The following CEP43 variants were observed in gnomAD, a reference collection of about 807,000 sequenced individuals.
CEP43 encodes centrosomal protein 43, also known as FGFR1 oncogene partner.
A neutral mutation model predicts 52.6 loss-of-function variants in CEP43; 36 were observed. The observed-to-expected ratio is 0.68, with a 90% CI of 0.52 to 0.90. CEP43 has a LOEUF of 0.90. Ranked by LOEUF, CEP43 falls within the 40% of genes least tolerant of loss-of-function variation. The probability of loss-of-function intolerance (pLI) is 0.00; values close to 1 mark genes in which losing one functional copy is unlikely to be tolerated. For missense variants in CEP43, 506 were observed against 472.8 expected (o/e 1.07, Z -0.65); for synonymous variants, 192 against 172.4 (o/e 1.11, Z -0.89).
chr6:167,040,172 G>A lies in CEP43; in HGVS notation c.*194G>A. 4 of 1,533,470 alleles carry A rather than the reference G, an allele frequency of 2.6e-6. No individual in the cohort carries two copies. The highest frequency in any genetic ancestry group is 3.5e-6 in the Non-Finnish European group (4 of 1,144,290). The allele number at this position is 1,533,470 out of a possible 1,614,324, so 95.0% of individuals were successfully genotyped here. On this transcript the variant is annotated 3_prime_UTR_variant, in exon 13 of 13. Coordinates refer to ENST00000366847, the MANE Select transcript of CEP43 (RefSeq NM_007045.4). ...TACTTCCTATTTGAGCCCATGTGTG[G>A]AAGATTTAATATTCTTAATTTAACT...
chr6:167,034,136 T>C (rs1242536069), intron 12 of CEP43, among the ~76,000 whole-genome samples, 165 bp downstream of exon 12: 1 of 152,166 alleles, frequency 6.6e-6, no homozygotes, highest in Middle Eastern at 3.2e-3. Context: ...CTTTGATGAA[T>C]GTGTAAGATT....
rs1433966012 is a variant in CEP43 at position 167,042,275 on chromosome 6, AAAAT to A, written c.*2303_*2306del. ...GCATGTGATGAGTGTTTTCTGTTAA[AAAAT>A]AAATATTGAAATATTAACCCATTAA... On this transcript the variant is annotated 3_prime_UTR_variant, in exon 13 of 13. Transcript: ENST00000366847. The A allele has an allele frequency of 2.0e-6, 2 of 1,005,306 alleles. No homozygotes were observed. The highest frequency in any genetic ancestry group is 3.5e-5 in the African/African-American group (2 of 57,910). 62.3% of individuals were successfully genotyped at this position (1,005,306 alleles called of 1,614,324 possible).
chr6:167,032,201 A>G (rs984085644), intron 10 of CEP43, among the ~76,000 whole-genome samples: 9 of 152,178 alleles, frequency 5.9e-5, no homozygotes, highest in Non-Finnish European at 1.2e-4. Context: ...TTCACACCTC[A>G]TGAGTGTTTT....
Position 167,050,886 on chromosome 6 carries a change from C to T in CEP43, c.*10908C>T, listed in dbSNP as rs1373195667. 1.3e-5 allele frequency: 2 copies of T among 150,484 alleles called. No individual in the cohort carries two copies. Among genetic ancestry groups the T allele is most frequent in the African/African-American group, 4.9e-5 (2 of 40,788 alleles). The allele number at this position is 150,484 out of a possible 1,614,324, so 9.3% of individuals were successfully genotyped here. A position where few individuals can be genotyped will look rare whatever the true frequency, so the allele number is the denominator to read the frequency against. On this transcript the variant is annotated 3_prime_UTR_variant, in exon 13 of 13. Transcript: ENST00000366847. ...CCCAGATAGAGCCGATTTATGAGGA[C>T]AGGGAAATTGCAATAGAGAAAGAGT...
At chr6:167,033,727 A>G (rs563460451) in intron 11 of CEP43, 148 bp from the exon 12 acceptor site, 1 of 431,372 alleles carries the variant, frequency 2.3e-6, no homozygotes. Flanking sequence ...TTTAAGGGTC[A>G]AGCAAGACAA....
chr6:167,020,290 T>A (rs1007497448), intron 7 of CEP43, among the ~76,000 whole-genome samples: 1 of 152,212 alleles, frequency 6.6e-6, no homozygotes, highest in Non-Finnish European at 1.5e-5. Flanking sequence ...TGTAGCTCTC[T>A]AGAAGGCAAT....
At chr6:167,033,257 C>T (rs1273558035) in intron 11 of CEP43, among the ~76,000 whole-genome samples, 1 of 151,716 alleles carries the variant, frequency 6.6e-6, no homozygotes, top group Non-Finnish European at 1.5e-5. Flanking sequence ...ATTATAGGTG[C>T]GTGCCACTAC....
chr6:167,015,295 C>T (rs1292976191), intron 7 of CEP43, among the ~76,000 whole-genome samples: 1 of 152,208 alleles, frequency 6.6e-6, no homozygotes, highest in Non-Finnish European at 1.5e-5. Flanking sequence ...TTCTGAACTG[C>T]CTTGTGAGAA....
chr6:167,028,705 A>G (rs779680397), intron 10 of CEP43, among the ~76,000 whole-genome samples: 3 of 152,166 alleles, frequency 2.0e-5, no homozygotes, highest in Admixed American at 1.3e-4. Flanking sequence ...ATTTTTACAG[A>G]TGAAGAATCT....
At position 167,042,562 on chromosome 6, in the gene CEP43, C is replaced by G. The variant is rs896822421; in HGVS notation, c.*2584C>G. On this transcript the variant is annotated 3_prime_UTR_variant, in exon 13 of 13. Coordinates refer to ENST00000366847, the MANE Select transcript of CEP43 (RefSeq NM_007045.4). The stretch of plus-strand genomic sequence containing the variant: ...TGCCCATGCACCAGAGCTGTGCCAG[C>G]CCACTGCTGCACAGCCTCTGCACCT... 1 of 166,032 alleles carries G rather than the reference C, an allele frequency of 6.0e-6. No homozygotes were observed. Among genetic ancestry groups the G allele is most frequent in the African/African-American group, 2.4e-5 (1 of 41,738 alleles). The allele number at this position is 166,032 out of a possible 1,614,324, so 10.3% of individuals were successfully genotyped here.
At chr6:167,009,406 A>C (rs939773820) in intron 5 of CEP43, among the ~76,000 whole-genome samples, 7 of 135,468 alleles carry the variant, frequency 5.2e-5, no homozygotes. Context: ...GCTACTCGGG[A>C]GGGCGAGGCA....
chr6:167,009,817 C>G (rs1779946124), intron 5 of CEP43, among the ~76,000 whole-genome samples: 1 of 151,748 alleles, frequency 6.6e-6, no homozygotes, highest in South Asian at 2.1e-4. Context: ...GCCTGGGTAA[C>G]AGAGTGAGAC....
chr6:167,012,242 ATTGT>A (rs528930871), intron 6 of CEP43, among the ~76,000 whole-genome samples: 219 of 152,124 alleles, frequency 1.4e-3, no homozygotes, highest in African/African-American at 4.8e-3. Context: ...GCTCCTTTTT[ATTGT>A]TTAAGTTTGG....
chr6:167,040,059 G>A lies in CEP43; in HGVS notation c.*81G>A, dbSNP rs779541032. 1 of 1,610,684 alleles carries A rather than the reference G, an allele frequency of 6.2e-7. No homozygotes were observed. The highest frequency in any genetic ancestry group is 8.5e-7 in the Non-Finnish European group (1 of 1,178,142). On this transcript the variant is annotated 3_prime_UTR_variant, in exon 13 of 13. Transcript: ENST00000366847. ...TTTTTTTTTTCCAGACAATCACTCAGCTGGAATGTCTGCTCTCTATTGGTG... is the reference window on the plus strand; with the variant it reads ...TTTTTTTTTTCCAGACAATCACTCAACTGGAATGTCTGCTCTCTATTGGTG...
At chr6:167,016,990 ATTTT>A (rs60484474) in intron 7 of CEP43, among the ~76,000 whole-genome samples, 56 of 148,764 alleles carry the variant, frequency 3.8e-4, no homozygotes, top group African/African-American at 1.2e-3. Context: ...TTATTTATTT[ATTTT>A]TTTTTTTTTT....
intron 10 of CEP43, among the ~76,000 whole-genome samples, chr6:167,028,810 T>C (rs1392070029): frequency 2.6e-5 from 4 of 152,196 alleles, no homozygotes; most frequent in Admixed American, 2.6e-4. Context: ...GTATGTTATT[T>C]AGACATATTG....
chr6:167,040,316 A>G lies in CEP43; in HGVS notation c.*338A>G. ...TGTCAATAAAGCCGTAGGATCGCGC[A>G]ACCCTTTGTGTGTGTGGCTGCTGGT... On this transcript the variant is annotated 3_prime_UTR_variant, in exon 13 of 13. Transcript: ENST00000366847. The G allele has an allele frequency of 7.0e-7, 1 of 1,435,878 alleles. No individual in the cohort carries two copies. The highest frequency in any genetic ancestry group is 9.1e-7 in the Non-Finnish European group (1 of 1,102,448). The allele number at this position is 1,435,878 out of a possible 1,614,324, so 88.9% of individuals were successfully genotyped here.
At position 166,999,461 on chromosome 6, in the gene CEP43, C is replaced by T. The variant is rs377203926; in HGVS notation, c.49C>T (p.Arg17Trp). ...AVVAEEDTEL[R>W]DLLVQTLENS... ...GGTGGCCGAGGAGGACACGGAGCTG[C>T]GGGACCTGCTGGTGCAGACGCTGGA... Residue 17 changes from arginine (R) to tryptophan (W), a missense_variant, in exon 1 of 13, where the codon CGG (arginine) becomes TGG (tryptophan). Transcript: ENST00000366847. 169 of 1,484,166 alleles carry T rather than the reference C, an allele frequency of 1.1e-4. 1 individual carries two copies. The highest frequency in any genetic ancestry group is 1.4e-4 in the Non-Finnish European group (159 of 1,115,202). The allele number at this position is 1,484,166 out of a possible 1,614,324, so 91.9% of individuals were successfully genotyped here.
intron 12 of CEP43, among the ~76,000 whole-genome samples, chr6:167,039,576 A>G (rs1221516366): frequency 1.3e-5 from 2 of 152,332 alleles, no homozygotes; most frequent in South Asian, 4.1e-4. Flanking sequence ...GTGTGCAAGT[A>G]TCTTTTTCAT....
Sources: allele counts gnomAD v4.1 joint callset (sites outside exome capture counted in the v4.1 genomes callset), GRCh38; gene constraint gnomAD v4.1.1; transcripts MANE v1.5; gene names NCBI Gene and HGNC (gene_info 2026-07-23, HGNC 2026-07-21).